Variants in RICTOR observed in about 807,000 individuals in gnomAD.
The protein encoded by RICTOR is rapamycin-insensitive companion of mTOR.
RICTOR carries 49 observed loss-of-function variants against 214.9 expected under a neutral mutation model. That is an observed-to-expected ratio of 0.23 (90% confidence interval 0.18 to 0.29). The LOEUF (loss-of-function observed/expected upper bound fraction) is 0.29. Among genes scored for constraint, RICTOR ranks in the 10% least tolerant of loss-of-function variants. RICTOR has a pLI of 1.00. For synonymous variants in RICTOR, 717 were observed against 711.3 expected (o/e 1.01, Z -0.13); for missense variants, 1,625 against 2,047.0 (o/e 0.79, Z 3.98).
intron 2 of RICTOR, among the ~76,000 whole-genome samples, chr5:39,047,936 A>G (rs1757604269): frequency 6.6e-6 from 1 of 152,224 alleles, no homozygotes; most frequent in Non-Finnish European, 1.5e-5. Context: ...TTAGATCTTA[A>G]GTTGGAAAAA....
chr5:38,975,462 A>G, intron 10 of RICTOR, 75 bp downstream of exon 10: 1 of 1,013,148 alleles, frequency 9.9e-7, no homozygotes, highest in Non-Finnish European at 1.6e-6. Flanking sequence ...TAGGTGCTAC[A>G]ATAATAATTT....
At chr5:39,051,169 T>C (rs772038916) in intron 2 of RICTOR, among the ~76,000 whole-genome samples, 9 of 152,116 alleles carry the variant, frequency 5.9e-5, no homozygotes, top group Non-Finnish European at 1.0e-4. Context: ...TACAAGACTA[T>C]ACATAAAATC....
Position 39,039,884 on chromosome 5 carries a change from T to G in RICTOR, c.98-18748A>C, listed in dbSNP as rs545063496. On this transcript the variant is annotated intron_variant, in intron 2 of 37. Transcript: ENST00000357387. ...ACTGTTGGTGGGACTGTAAACTAGT[T>G]CAACCATTGTGGAAGTCAGTGTGGC... Among the ~76,000 whole-genome samples the G allele has an allele frequency of 2.1e-4, 32 of 152,064 alleles. 1 individual carries two copies. In the South Asian group the frequency reaches 6.6e-3, roughly 32 times the overall value.
intron 2 of RICTOR, among the ~76,000 whole-genome samples, chr5:39,032,361 G>A (rs1034432981): frequency 6.6e-6 from 1 of 152,028 alleles, no homozygotes; most frequent in African/African-American, 2.4e-5. Context: ...TAAATACAAT[G>A]GCAAAAATAG....
chr5:39,049,839 G>A (rs1425317868), intron 2 of RICTOR, among the ~76,000 whole-genome samples: 1 of 152,026 alleles, frequency 6.6e-6, no homozygotes. Context: ...TACAGAACTT[G>A]GCTTCTCAGG....
intron 2 of RICTOR, among the ~76,000 whole-genome samples, chr5:39,073,469 G>A (rs1249275585): frequency 6.6e-6 from 1 of 152,216 alleles, no homozygotes; most frequent in Non-Finnish European, 1.5e-5. Context: ...CTGCAGCAGG[G>A]TGAGGGGGCG....
At chr5:39,062,543 C>T (rs1758619494) in intron 2 of RICTOR, among the ~76,000 whole-genome samples, 2 of 152,032 alleles carry the variant, frequency 1.3e-5, no homozygotes, top group South Asian at 2.1e-4. Context: ...GGGTCAAACA[C>T]TAAGCATGGA....
intron 7 of RICTOR, among the ~76,000 whole-genome samples, chr5:38,989,880 G>A (rs950272348): frequency 5.9e-5 from 9 of 152,150 alleles, no homozygotes; most frequent in Non-Finnish European, 1.2e-4. Context: ...GAAGAAATAG[G>A]AACGCTTTCA....
chr5:39,047,269 T>C (rs1757557662), intron 2 of RICTOR, among the ~76,000 whole-genome samples: 1 of 152,112 alleles, frequency 6.6e-6, no homozygotes. Flanking sequence ...TGGTTTCAGA[T>C]GAAATTGTTC....
At chr5:39,016,276 C>T (rs1754936988) in intron 3 of RICTOR, among the ~76,000 whole-genome samples, 1 of 149,162 alleles carries the variant, frequency 6.7e-6, no homozygotes, top group African/African-American at 2.5e-5. Context: ...TACAGAGATA[C>T]ACTGCATACT....
rs201385155 is a variant in RICTOR at position 38,949,767 on chromosome 5, T to A, written c.4081A>T (p.Thr1361Ser). The change falls in exon 31 of 38, where the codon ACT becomes TCT. Residue 1361 changes from threonine (T) to serine (S), a missense_variant. This residue lies in a region of RICTOR where 1,214 missense variants were observed against 1,470.5 expected (regional missense o/e 0.83). Coordinates refer to ENST00000357387, the MANE Select transcript of RICTOR (RefSeq NM_152756.5). ...LASPAKDVLF[T>S]DTITMKANSF... ...TTGGCCTTCATGGTGATGGTATCAG[T>A]AAATAGCACATCTTTTGCTGGAGAT... 1 of 1,613,418 alleles carries A rather than the reference T, an allele frequency of 6.2e-7. No homozygotes were observed. Among genetic ancestry groups the A allele is most frequent in the East Asian group, 2.2e-5 (1 of 44,866 alleles).
intron 2 of RICTOR, among the ~76,000 whole-genome samples, chr5:39,024,013 C>T (rs756707896): frequency 6.6e-6 from 1 of 152,122 alleles, no homozygotes; most frequent in Non-Finnish European, 1.5e-5. Context: ...TTTCCATGGA[C>T]CCGGGGTGGG....
Position 38,950,425 on chromosome 5 carries a change from A to C in RICTOR, c.3423T>G (p.Phe1141Leu). 1 of 1,613,514 alleles carries C rather than the reference A, an allele frequency of 6.2e-7. No individual in the cohort carries two copies. Among genetic ancestry groups the C allele is most frequent in the African/African-American group, 1.3e-5 (1 of 74,994 alleles). ...IRTLTEPSVD[F>L]NHSDDFTPIS... ...TGGGTGTAAAATCATCACTATGATT[A>C]AAATCAACACTGGGCTCCGTAAGTG... Residue 1141 changes from phenylalanine (F) to leucine (L), a missense_variant, in exon 31 of 38, where the codon TTT (phenylalanine) becomes TTG (leucine). Physicochemically the swap from Phe to Leu is conservative, Grantham distance 22. Transcript: ENST00000357387.
chr5:39,052,767 C>T (rs1257379677), intron 2 of RICTOR, among the ~76,000 whole-genome samples: 1 of 152,194 alleles, frequency 6.6e-6, no homozygotes, highest in African/African-American at 2.4e-5. Flanking sequence ...CCTAGAGAGC[C>T]TCCTTCTTTT....
chr5:39,049,256 G>A (rs1401166522), intron 2 of RICTOR, among the ~76,000 whole-genome samples: 1 of 150,452 alleles, frequency 6.6e-6, no homozygotes, highest in Non-Finnish European at 1.5e-5. Context: ...GAACACACAA[G>A]TAAACAGCAA....
chr5:39,041,006 G>C (rs1450598140), intron 2 of RICTOR, among the ~76,000 whole-genome samples: 5 of 152,202 alleles, frequency 3.3e-5, no homozygotes, highest in Admixed American at 1.3e-4. Context: ...GATTTCACTA[G>C]AGTATAAGAC....
chr5:39,052,700 T>C lies in RICTOR; in HGVS notation c.97+21411A>G, dbSNP rs565609629. The stretch of plus-strand genomic sequence containing the variant: ...CTGACTAGTTTAACTCAAGTAGTCC[T>C]CTTAATACTGTCAGTCTCCTCAAAG... On this transcript the variant is annotated intron_variant, in intron 2 of 37. Transcript: ENST00000357387. Among the ~76,000 whole-genome samples, 55 of 152,320 alleles carry C rather than the reference T, an allele frequency of 3.6e-4. 1 individual carries two copies. The South Asian group carries it at 0.011, about 32-fold the overall frequency.
chr5:38,982,095 T>A, intron 7 of RICTOR, 59 bp from the exon 8 acceptor site: 1 of 1,294,622 alleles, frequency 7.7e-7, no homozygotes, highest in Non-Finnish European at 1.1e-6. Context: ...TAATAAAAAA[T>A]CTAGGCTTTA....
chr5:39,028,031 A>T (rs936649539), intron 2 of RICTOR, among the ~76,000 whole-genome samples: 3 of 152,186 alleles, frequency 2.0e-5, no homozygotes, highest in African/African-American at 7.2e-5. Flanking sequence ...GCCAAAAAGT[A>T]TGAGAAAAGG....
Sources: gnomAD v4.1 joint callset for allele counts (sites outside exome capture counted in the v4.1 genomes callset) on GRCh38, gnomAD v4.1.1 for gene constraint, gnomAD v4.1.1 regional missense constraint, MANE v1.5 for transcripts, NCBI Gene and HGNC (gene_info 2026-07-23, HGNC 2026-07-21) for gene names.